RTL4: variants seen among roughly 807,000 people sequenced by gnomAD.
The protein encoded by RTL4 is retrotransposon Gag-like protein 4.
A neutral mutation model predicts 5.3 loss-of-function variants in RTL4; 4 were observed. The ratio of observed to expected loss-of-function variants is 0.75; its 90% CI spans 0.37 to 1.72. The LOEUF (loss-of-function observed/expected upper bound fraction) is 1.72. RTL4 is among the 40% of genes most tolerant of loss of function. The probability of loss-of-function intolerance (pLI) is 0.04; values close to 1 mark genes in which losing one functional copy is unlikely to be tolerated. For synonymous variants in RTL4, 98 were observed against 87.3 expected, an observed-to-expected ratio of 1.12 and a Z score of -0.68; for missense variants, 260 against 227.1, an observed-to-expected ratio of 1.14 and a Z score of -0.93.
At chrX:112,330,216 A>T in the RTL4 span, among the ~76,000 whole-genome samples, 13 of 108,253 alleles carry the variant, frequency 1.2e-4, 1 homozygote, top group Admixed American at 9.0e-4. Flanking sequence ...GAGGAAGTCA[A>T]ATTGTCCCTG....
chrX:112,272,310 T>C, the RTL4 span, among the ~76,000 whole-genome samples: 1 of 112,208 alleles, frequency 8.9e-6, no homozygotes, highest in South Asian at 3.7e-4. Context: ...CTAACATTTT[T>C]TTCTTTATGG....
At chrX:112,448,901 A>G in the RTL4 span, among the ~76,000 whole-genome samples, 1 of 112,166 alleles carries the variant, frequency 8.9e-6, no homozygotes, top group African/African-American at 3.2e-5. Context: ...ATCTCTGTAC[A>G]CACAGACCAT....
the RTL4 span, among the ~76,000 whole-genome samples, chrX:112,083,578 C>A: frequency 9.0e-6 from 1 of 111,483 alleles, no homozygotes; most frequent in East Asian, 2.9e-4. Flanking sequence ...GGGTCGATCT[C>A]CCAAGATCCA....
At chrX:112,286,206 G>A in the RTL4 span, among the ~76,000 whole-genome samples, 1 of 111,862 alleles carries the variant, frequency 8.9e-6, no homozygotes, top group Non-Finnish European at 1.9e-5. Flanking sequence ...AATATTTCAC[G>A]CAGTGAAAAT....
the RTL4 span, among the ~76,000 whole-genome samples, chrX:112,390,740 C>G: frequency 9.0e-6 from 1 of 110,707 alleles, no homozygotes; most frequent in Admixed American, 9.6e-5. Flanking sequence ...TCTCTGGCTG[C>G]CTTTAACATT....
the RTL4 span, among the ~76,000 whole-genome samples, chrX:112,325,597 T>C: frequency 2.9e-4 from 33 of 112,256 alleles, no homozygotes; most frequent in Non-Finnish European, 5.1e-4. Context: ...TGGCTAGCCA[T>C]ATATAGGAAG....
chrX:112,306,086 G>T, the RTL4 span, among the ~76,000 whole-genome samples: 1 of 111,345 alleles, frequency 9.0e-6, no homozygotes, highest in Non-Finnish European at 1.9e-5. Flanking sequence ...ACTTATTGCT[G>T]GTTTTCAAAA....
At chrX:112,201,388 G>C in the RTL4 span, among the ~76,000 whole-genome samples, 1 of 111,345 alleles carries the variant, frequency 9.0e-6, no homozygotes, top group East Asian at 2.8e-4. Context: ...TGTTGTATGT[G>C]TATGTTGTAT....
the RTL4 span, among the ~76,000 whole-genome samples, chrX:112,327,112 A>G: frequency 8.9e-6 from 1 of 112,419 alleles, no homozygotes; most frequent in South Asian, 3.7e-4. Context: ...TCCTCCTCCA[A>G]AGGAACGCAG....
chrX:112,344,289 C>A, the RTL4 span, among the ~76,000 whole-genome samples: 50 of 111,834 alleles, frequency 4.5e-4, no homozygotes, highest in African/African-American at 1.6e-3. Context: ...AGAGTTAAAC[C>A]ATACAAAATT....
the RTL4 span, among the ~76,000 whole-genome samples, chrX:112,122,239 A>G: frequency 5.3e-5 from 6 of 112,188 alleles, no homozygotes; most frequent in Non-Finnish European, 3.8e-5. Flanking sequence ...ATAATGGAGT[A>G]GTATTCAGCC....
chrX:112,158,185 T>G, the RTL4 span, among the ~76,000 whole-genome samples: 1 of 111,566 alleles, frequency 9.0e-6, no homozygotes. Flanking sequence ...AGAAGTCATG[T>G]AATCTCAGCC....
At chrX:112,353,435 A>C in the RTL4 span, among the ~76,000 whole-genome samples, 1 of 111,530 alleles carries the variant, frequency 9.0e-6, no homozygotes, top group Admixed American at 9.5e-5. Context: ...AACCAACCCA[A>C]ATATCCAACA....
the RTL4 span, among the ~76,000 whole-genome samples, chrX:112,329,176 G>A: frequency 2.7e-5 from 3 of 110,901 alleles, no homozygotes; most frequent in African/African-American, 9.8e-5. Context: ...AACTGAAGGA[G>A]ATAGAGACAC....
At chrX:112,193,897 G>T in the RTL4 span, among the ~76,000 whole-genome samples, 1 of 112,175 alleles carries the variant, frequency 8.9e-6, no homozygotes, top group East Asian at 2.8e-4. Context: ...CACTCATTGA[G>T]AATATCCTGA....
chrX:112,401,606 A>T, the RTL4 span, among the ~76,000 whole-genome samples: 1 of 90,728 alleles, frequency 1.1e-5, no homozygotes, highest in Non-Finnish European at 2.1e-5. Context: ...CCCTCTTTAG[A>T]AAAATTCTAG....
At chrX:112,248,250 T>C in the RTL4 span, among the ~76,000 whole-genome samples, 1 of 112,417 alleles carries the variant, frequency 8.9e-6, no homozygotes, top group African/African-American at 3.2e-5. Context: ...AAAAATCTAC[T>C]TTTCTTTTGT....
chrX:112,342,898 G>A, the RTL4 span, among the ~76,000 whole-genome samples: 4 of 111,400 alleles, frequency 3.6e-5, no homozygotes, highest in Admixed American at 2.9e-4. Context: ...TCAGGAGTTC[G>A]AGACCAGCCT....
the RTL4 span, among the ~76,000 whole-genome samples, chrX:112,270,329 C>G: frequency 8.9e-6 from 1 of 112,721 alleles, no homozygotes; most frequent in Non-Finnish European, 1.9e-5. Context: ...AAAGCCTTAA[C>G]TAGCTAAAGA....
Sources: gnomAD v4.1 joint callset for allele counts (sites outside exome capture counted in the v4.1 genomes callset) on GRCh38, gnomAD v4.1.1 for gene constraint, MANE v1.5 for transcripts, NCBI Gene and HGNC (gene_info 2026-07-23, HGNC 2026-07-21) for gene names.